The following SLC2A13 variants were observed in gnomAD, a reference collection of about 807,000 sequenced individuals.
SLC2A13 encodes the protein solute carrier family 2 member 13, also known as proton myo-inositol cotransporter.
SLC2A13 carries 32 observed loss-of-function variants against 64.4 expected under a neutral mutation model. The observed-to-expected ratio is 0.50, with a 90% CI of 0.37 to 0.67. The LOEUF (loss-of-function observed/expected upper bound fraction) is 0.67. Ranked by LOEUF, SLC2A13 falls within the 30% of genes least tolerant of loss-of-function variation. SLC2A13 has a pLI of 0.00. For synonymous variants in SLC2A13, 338 were observed against 327.1 expected (o/e 1.03, Z -0.36); for missense variants, 743 against 829.2 (o/e 0.90, Z 1.28).
intron 4 of SLC2A13, among the ~76,000 whole-genome samples, chr12:39,895,522 ATATATATATATAT>A (rs1944736497): frequency 2.2e-4 from 1 of 4,632 alleles, no homozygotes; most frequent in Non-Finnish European, 7.2e-4. Flanking sequence ...AATTATATAT[ATATATATATATAT>A]ATATATATAT....
intron 6 of SLC2A13, among the ~76,000 whole-genome samples, chr12:39,838,253 A>T (rs1425941722): frequency 1.3e-5 from 2 of 150,154 alleles, no homozygotes; most frequent in African/African-American, 4.9e-5. Context: ...AAAAAACCAA[A>T]CACCGCATAT....
rs866052793 is a variant in SLC2A13 at position 40,018,911 on chromosome 12, G to T, written c.925+9390C>A. On this transcript the variant is annotated intron_variant, in intron 3 of 9. Transcript: ENST00000280871. ...TGCTTGCTCTCTTGGTATGATGATG[G>T]AGTCTGGGCACTACTGAAATAAACC... Among the ~76,000 whole-genome samples, 8 of 152,146 alleles carry T rather than the reference G, an allele frequency of 5.3e-5. 1 individual carries two copies. The highest frequency in any genetic ancestry group is 2.1e-4 in the South Asian group (1 of 4,832).
At chr12:40,052,230 G>A (rs1018776328) in intron 1 of SLC2A13, among the ~76,000 whole-genome samples, 1 of 152,130 alleles carries the variant, frequency 6.6e-6, no homozygotes, top group Non-Finnish European at 1.5e-5. Flanking sequence ...ATAGTAAGTG[G>A]CCTGCTTGAT....
At chr12:40,015,647 C>T (rs549342724) in intron 3 of SLC2A13, among the ~76,000 whole-genome samples, 3 of 152,306 alleles carry the variant, frequency 2.0e-5, no homozygotes, top group East Asian at 1.9e-4. Context: ...CTTGATCTTT[C>T]CCCATCACAC....
intron 2 of SLC2A13, among the ~76,000 whole-genome samples, chr12:40,030,921 T>G (rs1947893271): frequency 6.6e-6 from 1 of 152,192 alleles, no homozygotes; most frequent in South Asian, 2.1e-4. Context: ...GAAAAGGAAT[T>G]TGTACCCTCC....
At chr12:39,899,671 G>A (rs1945031458) in intron 4 of SLC2A13, among the ~76,000 whole-genome samples, 2 of 151,858 alleles carry the variant, frequency 1.3e-5, no homozygotes, top group African/African-American at 4.8e-5. Context: ...AGAGATTCTG[G>A]TATGTTGTGT....
chr12:40,047,949 G>T, intron 2 of SLC2A13, 102 bp downstream of exon 2: 1 of 1,083,314 alleles, frequency 9.2e-7, no homozygotes, highest in Non-Finnish European at 1.3e-6. Context: ...TAGCAATAAT[G>T]ATTCAAAACA....
intron 4 of SLC2A13, among the ~76,000 whole-genome samples, chr12:39,923,244 G>A (rs1181903489): frequency 6.6e-6 from 1 of 151,928 alleles, no homozygotes; most frequent in Non-Finnish European, 1.5e-5. Context: ...AAATAAAAGT[G>A]GAAACAACAC....
intron 1 of SLC2A13, among the ~76,000 whole-genome samples, chr12:40,091,671 A>G (rs1938773489): frequency 6.6e-6 from 1 of 152,220 alleles, no homozygotes; most frequent in African/African-American, 2.4e-5. Flanking sequence ...AAATGAGGTA[A>G]CTAACTCATT....
At chr12:39,884,037 T>C (rs941448246) in intron 4 of SLC2A13, among the ~76,000 whole-genome samples, 1 of 152,208 alleles carries the variant, frequency 6.6e-6, no homozygotes, top group Non-Finnish European at 1.5e-5. Flanking sequence ...TATTTAAAAG[T>C]TTTGTTTGAA....
chr12:39,996,432 A>G (rs1353707105), intron 3 of SLC2A13, among the ~76,000 whole-genome samples: 1 of 152,266 alleles, frequency 6.6e-6, no homozygotes, highest in Non-Finnish European at 1.5e-5. Context: ...GGAGAAATCC[A>G]AGCCAGCTGC....
chr12:40,085,021 G>A (rs1938545777), intron 1 of SLC2A13, among the ~76,000 whole-genome samples: 1 of 152,168 alleles, frequency 6.6e-6, no homozygotes, highest in African/African-American at 2.4e-5. Context: ...CCTAGGTAAT[G>A]ATATAATTGA....
At chr12:40,032,763 C>T (rs780802425) in intron 2 of SLC2A13, among the ~76,000 whole-genome samples, 2 of 152,226 alleles carry the variant, frequency 1.3e-5, no homozygotes, top group Non-Finnish European at 2.9e-5. Flanking sequence ...TCCTGCTGCT[C>T]TCACCTATGT....
intron 2 of SLC2A13, among the ~76,000 whole-genome samples, chr12:40,038,886 G>T (rs1948035108): frequency 6.6e-6 from 1 of 152,022 alleles, no homozygotes; most frequent in Non-Finnish European, 1.5e-5. Context: ...TAATAGTATT[G>T]TACTGCTTTT....
At chr12:39,896,203 T>C (rs1015153728) in intron 4 of SLC2A13, among the ~76,000 whole-genome samples, 3 of 148,878 alleles carry the variant, frequency 2.0e-5, no homozygotes, top group Non-Finnish European at 4.5e-5. Context: ...TGTGTATGTA[T>C]ACATGTATAT....
intron 1 of SLC2A13, among the ~76,000 whole-genome samples, chr12:40,058,976 A>G (rs1330566521): frequency 6.6e-6 from 1 of 152,140 alleles, no homozygotes; most frequent in East Asian, 1.9e-4. Context: ...TTTTCACTCT[A>G]CTTGTAGATC....
intron 9 of SLC2A13, among the ~76,000 whole-genome samples, chr12:39,760,953 A>AACACACACACAC (rs71449492): frequency 3.2e-4 from 32 of 101,576 alleles, no homozygotes; most frequent in Middle Eastern, 5.0e-3. Context: ...GTCTCTACCA[A>AACACACACACAC]ACACACACAC....
intron 3 of SLC2A13, among the ~76,000 whole-genome samples, chr12:39,974,585 C>T (rs1946728827): frequency 6.6e-6 from 1 of 152,172 alleles, no homozygotes; most frequent in African/African-American, 2.4e-5. Flanking sequence ...TTTTCTTAGT[C>T]CCTGTAGTAT....
intron 3 of SLC2A13, among the ~76,000 whole-genome samples, chr12:39,998,580 T>C (rs1484726640): frequency 6.6e-6 from 1 of 152,216 alleles, no homozygotes; most frequent in Non-Finnish European, 1.5e-5. Flanking sequence ...CCCTTTGTTT[T>C]GGCCAATTTC....
Sources: allele counts gnomAD v4.1 joint callset (sites outside exome capture counted in the v4.1 genomes callset), GRCh38; gene constraint gnomAD v4.1.1; transcripts MANE v1.5; gene names NCBI Gene and HGNC (gene_info 2026-07-23, HGNC 2026-07-21).